The following NPAS3 variants were observed in gnomAD, a reference collection of about 807,000 sequenced individuals.
NPAS3 encodes the protein neuronal PAS domain-containing protein 3.
A neutral mutation model predicts 73.1 loss-of-function variants in NPAS3; 14 were observed. That is an observed-to-expected ratio of 0.19 (90% confidence interval 0.13 to 0.30). The LOEUF (loss-of-function observed/expected upper bound fraction) is 0.30, where lower values mean the gene tolerates loss of function less well. NPAS3 is among the 10% of genes least tolerant of loss of function. The pLI, the probability that NPAS3 is intolerant of heterozygous loss-of-function variation, is 1.00. For missense variants in NPAS3, 1,096 were observed against 1,250.0 expected (o/e 0.88, Z 1.86); for synonymous variants, 620 against 541.5 (o/e 1.14, Z -2.01).
intron 4 of NPAS3, among the ~76,000 whole-genome samples, chr14:33,444,934 T>C (rs2049417917): frequency 6.6e-6 from 1 of 152,250 alleles, no homozygotes; most frequent in Non-Finnish European, 1.5e-5. Flanking sequence ...AATTTAATTA[T>C]CTGCTTTCGG....
chr14:33,492,483 G>A (rs2051949612), intron 4 of NPAS3, among the ~76,000 whole-genome samples: 1 of 152,152 alleles, frequency 6.6e-6, no homozygotes, highest in Non-Finnish European at 1.5e-5. Context: ...TTTCTCTCAT[G>A]CAAAGAGGAG....
downstream of NPAS3, chr14:33,803,983 T>C (rs917867695): frequency 9.9e-5 from 15 of 152,198 alleles, no homozygotes; most frequent in Non-Finnish European, 2.2e-4. Flanking sequence ...GCCTGGCTTA[T>C]TTTGAAACAT....
At chr14:33,086,092 C>T (rs541513221) in intron 2 of NPAS3, among the ~76,000 whole-genome samples, 91 of 152,166 alleles carry the variant, frequency 6.0e-4, no homozygotes, top group Non-Finnish European at 1.2e-3. Context: ...TGTAGATACT[C>T]ACACAGGATT....
intron 4 of NPAS3, among the ~76,000 whole-genome samples, chr14:33,406,482 G>C (rs17101030): frequency 0.089 from 13,553 of 152,132 alleles, 723 homozygotes; most frequent in South Asian, 0.16. Context: ...CTAAGAGATG[G>C]CATGTGTTTT....
intron 7 of NPAS3, among the ~76,000 whole-genome samples, chr14:33,747,741 G>A (rs2061847908): frequency 6.6e-6 from 1 of 152,180 alleles, no homozygotes; most frequent in African/African-American, 2.4e-5. Flanking sequence ...GGAAACAAAA[G>A]TTATCCCTTG....
chr14:33,387,464 C>T (rs764550630), intron 4 of NPAS3, among the ~76,000 whole-genome samples: 1 of 152,124 alleles, frequency 6.6e-6, no homozygotes, highest in Non-Finnish European at 1.5e-5. Flanking sequence ...CCTAAATACC[C>T]GTTACTTCTG....
chr14:33,282,531 G>A (rs186101674), intron 3 of NPAS3, among the ~76,000 whole-genome samples: 2 of 152,274 alleles, frequency 1.3e-5, no homozygotes, highest in East Asian at 1.9e-4. Flanking sequence ...TGATCCCTGC[G>A]TAATTAGGAC....
chr14:33,627,970 A>G (rs1888039), intron 5 of NPAS3, among the ~76,000 whole-genome samples: 151,989 of 152,338 alleles, frequency 1, 75,820 homozygotes, highest in Middle Eastern at 1. Flanking sequence ...CCAAAAATGC[A>G]AACATGGTGA....
intron 1 of NPAS3, among the ~76,000 whole-genome samples, chr14:33,022,857 C>T (rs919113900): frequency 6.6e-6 from 1 of 151,932 alleles, no homozygotes; most frequent in African/African-American, 2.4e-5. Flanking sequence ...TTGCCAGTGT[C>T]ATGTTTGTAA....
intron 5 of NPAS3, among the ~76,000 whole-genome samples, chr14:33,602,536 C>T (rs2057431971): frequency 6.6e-6 from 1 of 152,186 alleles, no homozygotes; most frequent in African/African-American, 2.4e-5. Flanking sequence ...CAGCAGGCAT[C>T]CTGCACGCAC....
chr14:33,268,271 T>A (rs1284415649), intron 3 of NPAS3, among the ~76,000 whole-genome samples: 2 of 152,186 alleles, frequency 1.3e-5, no homozygotes, highest in African/African-American at 4.8e-5. Flanking sequence ...TCTCTCTTAA[T>A]GAATACAGAC....
At chr14:33,090,589 C>T (rs8013062) in intron 2 of NPAS3, among the ~76,000 whole-genome samples, 6 of 151,832 alleles carry the variant, frequency 4.0e-5, no homozygotes, top group Non-Finnish European at 2.9e-5. Context: ...GACAGATCAA[C>T]GAGACAGAAA....
chr14:33,100,578 G>A (rs1036308652), intron 2 of NPAS3, among the ~76,000 whole-genome samples: 1 of 152,088 alleles, frequency 6.6e-6, no homozygotes, highest in African/African-American at 2.4e-5. Flanking sequence ...TATCAATTGA[G>A]AAATATAATT....
chr14:33,368,507 A>G (rs2045940899), intron 4 of NPAS3, among the ~76,000 whole-genome samples: 1 of 152,104 alleles, frequency 6.6e-6, no homozygotes, highest in African/African-American at 2.4e-5. Flanking sequence ...CTCCTGAGAT[A>G]ATTTGGATGT....
At chr14:33,146,115 A>G (rs1215983896) in intron 2 of NPAS3, among the ~76,000 whole-genome samples, 1 of 152,142 alleles carries the variant, frequency 6.6e-6, no homozygotes, top group East Asian at 1.9e-4. Context: ...AATAAGATGA[A>G]ATAATAAGGG....
At chr14:33,546,083 C>T (rs1364228217) in intron 4 of NPAS3, among the ~76,000 whole-genome samples, 1 of 152,172 alleles carries the variant, frequency 6.6e-6, no homozygotes, top group East Asian at 1.9e-4. Flanking sequence ...TGCCACACCT[C>T]TTAGTGAGGC....
At chr14:33,106,266 G>A (rs908291272) in intron 2 of NPAS3, among the ~76,000 whole-genome samples, 2 of 152,118 alleles carry the variant, frequency 1.3e-5, no homozygotes, top group Non-Finnish European at 2.9e-5. Flanking sequence ...GAGAAGAAAA[G>A]AAGTATGTTC....
chr14:33,798,977 CA>C (rs35096703), intron 11 of NPAS3, among the ~76,000 whole-genome samples: 15,005 of 106,008 alleles, frequency 0.14, 958 homozygotes, highest in Admixed American at 0.18. Context: ...CCTGTCTCTA[CA>C]AAAAAAAAAA....
At chr14:33,544,825 A>ATATATATAATATATATATATATAAT in intron 4 of NPAS3, among the ~76,000 whole-genome samples, 1 of 112,188 alleles carries the variant, frequency 8.9e-6, no homozygotes, top group African/African-American at 4.1e-5. Context: ...TATATAATAT[A>ATATATATAATATATATATATATAAT]TATGTGTATA....
Sources: gnomAD v4.1 joint callset for allele counts (sites outside exome capture counted in the v4.1 genomes callset) on GRCh38, gnomAD v4.1.1 for gene constraint, MANE v1.5 for transcripts, NCBI Gene and HGNC (gene_info 2026-07-23, HGNC 2026-07-21) for gene names.